TRDN: variants seen among roughly 807,000 people sequenced by gnomAD.
TRDN encodes the protein triadin in skeletal muscle.
In TRDN, 161 loss-of-function variants were observed where a neutral mutation model predicts 149.7. The ratio of observed to expected loss-of-function variants is 1.08; its 90% CI spans 0.95 to 1.23. TRDN has a LOEUF of 1.23. TRDN is among the 50% of genes most tolerant of loss of function. TRDN has a pLI of 0.00. For missense variants in TRDN, 896 were observed against 823.5 expected, an observed-to-expected ratio of 1.09 and a Z score of -1.08; for synonymous variants, 294 against 250.5, an observed-to-expected ratio of 1.17 and a Z score of -1.64.
At chr6:123,636,553 G>T (rs1000772790) in intron 1 of TRDN, among the ~76,000 whole-genome samples, 1 of 151,906 alleles carries the variant, frequency 6.6e-6, no homozygotes, top group Non-Finnish European at 1.5e-5. Flanking sequence ...AAATTTAAGA[G>T]AAATCTCTTT....
intron 10 of TRDN, chr6:123,456,852 G>A: frequency 2.2e-6 from 1 of 456,014 alleles, no homozygotes; most frequent in South Asian, 1.5e-5. Flanking sequence ...ACTCATTCTA[G>A]AGAGGGAAAG....
intron 10 of TRDN, chr6:123,462,431 G>GTGTAGTATTGGCTTTACAGATT (rs1204130172): frequency 5.3e-5 from 8 of 152,242 alleles, no homozygotes; most frequent in African/African-American, 1.7e-4. Context: ...CTTTAAAGAC[G>GTGTAGTATTGGCTTTACAGATT]TGTAGTATTG....
chr6:123,398,308 C>A (rs954304096), intron 12 of TRDN, among the ~76,000 whole-genome samples: 1 of 152,196 alleles, frequency 6.6e-6, no homozygotes, highest in East Asian at 1.9e-4. Flanking sequence ...CCTGGCCGAC[C>A]GTTCTTATTT....
intron 1 of TRDN, 21 bp downstream of exon 1, chr6:123,636,733 A>G: frequency 1.2e-6 from 2 of 1,611,064 alleles, no homozygotes; most frequent in Admixed American, 1.7e-5. Flanking sequence ...ACTTGATACT[A>G]TCGGAAAATG....
rs377492695 is a variant in TRDN, at chr6:123,293,108, AT to A, written c.1511-14027del. On this transcript the variant is annotated intron_variant, in intron 24 of 40. Coordinates refer to ENST00000334268, the MANE Select transcript of TRDN (RefSeq NM_006073.4). ...AGGAAATCATCTTCACAGTTGCTGGATTTTTCATCAACATTCCCAGGCTAGA... is the reference window on the plus strand; with the variant it reads ...AGGAAATCATCTTCACAGTTGCTGGATTTTCATCAACATTCCCAGGCTAGA... 4.6e-4 allele frequency among the ~76,000 whole-genome samples: 70 copies of A among 152,164 alleles called. 1 individual carries two copies. The East Asian group carries it at 0.013, about 27-fold the overall frequency.
intron 10 of TRDN, among the ~76,000 whole-genome samples, chr6:123,446,031 A>G (rs1775321666): frequency 2.7e-5 from 4 of 149,808 alleles, no homozygotes; most frequent in Admixed American, 2.6e-4. Flanking sequence ...TGTGGCACAT[A>G]TACTCCATGG....
At chr6:123,343,937 C>A (rs1780158298) in intron 21 of TRDN, among the ~76,000 whole-genome samples, 1 of 151,856 alleles carries the variant, frequency 6.6e-6, no homozygotes, top group Admixed American at 6.6e-5. Context: ...CAGCATGGAA[C>A]CCTCATTAAT....
chr6:123,566,812 C>G (rs371256388), intron 2 of TRDN, among the ~76,000 whole-genome samples: 1 of 152,074 alleles, frequency 6.6e-6, no homozygotes, highest in Non-Finnish European at 1.5e-5. Context: ...GTTATTGAAG[C>G]CATAATTTAT....
At chr6:123,293,220 C>T (rs550335664) in intron 24 of TRDN, among the ~76,000 whole-genome samples, 1 of 152,262 alleles carries the variant, frequency 6.6e-6, no homozygotes, top group South Asian at 2.1e-4. Context: ...CCAGACCTAA[C>T]TAACCATAGT....
At position 123,548,341 on chromosome 6, in the gene TRDN, AT is replaced by A. The variant is rs576315145; in HGVS notation, c.391+112del. 2.5e-4 allele frequency: 184 copies of A among 737,570 alleles called. 3 individuals are homozygous for A. The East Asian group carries it at 6.0e-3, about 24-fold the overall frequency. The allele number at this position is 737,570 out of a possible 1,614,324, so 45.7% of individuals were successfully genotyped here. A position where few individuals can be genotyped will look rare whatever the true frequency, so the allele number is the denominator to read the frequency against. On this transcript the variant is annotated intron_variant, in intron 3 of 40. Transcript: ENST00000334268. ...GCTTTTAGCAGTCAGAAGTGTATTC[AT>A]TTTGGTTTAGCTTGACCCAAGTGCT...
chr6:123,421,474 A>T (rs983084413), intron 12 of TRDN: 1 of 152,140 alleles, frequency 6.6e-6, no homozygotes, highest in Non-Finnish European at 1.5e-5. Context: ...TAGGAATATC[A>T]GGATCTTTCT....
In TRDN at chr6:123,366,270, A is replaced by G. The variant is rs369007482; in HGVS notation, c.1274-88T>C. On this transcript the variant is annotated intron_variant, in intron 19 of 40. Coordinates refer to ENST00000334268, the MANE Select transcript of TRDN (RefSeq NM_006073.4). Reference sequence around the variant, plus strand: ...TACTATTGAGAATAAAATTAAAGATAAAATGTATGTTGCACATGAGAGCAA... The same window carrying G: ...TACTATTGAGAATAAAATTAAAGATGAAATGTATGTTGCACATGAGAGCAA... 2.3e-6 allele frequency: 3 copies of G among 1,307,844 alleles called. No homozygotes were observed. The East Asian group carries it at 7.3e-5, about 32-fold the overall frequency. The allele number at this position is 1,307,844 out of a possible 1,614,324, so 81.0% of individuals were successfully genotyped here.
intron 12 of TRDN, among the ~76,000 whole-genome samples, chr6:123,429,881 A>G (rs1274602129): frequency 6.6e-6 from 1 of 152,242 alleles, no homozygotes; most frequent in Non-Finnish European, 1.5e-5. Context: ...TGATATATCA[A>G]TGCGTACAGA....
intron 4 of TRDN, among the ~76,000 whole-genome samples, chr6:123,536,236 T>G (rs948739365): frequency 3.9e-5 from 6 of 152,156 alleles, no homozygotes; most frequent in African/African-American, 9.7e-5. Context: ...ATGTCTATTT[T>G]GTTCCACATT....
At chr6:123,627,715 A>C (rs1236737655) in intron 1 of TRDN, among the ~76,000 whole-genome samples, 2 of 152,178 alleles carry the variant, frequency 1.3e-5, no homozygotes, top group African/African-American at 2.4e-5. Context: ...AGGACTGTTT[A>C]GTCTACATTG....
intron 1 of TRDN, among the ~76,000 whole-genome samples, chr6:123,619,833 T>C (rs1025090482): frequency 6.6e-6 from 1 of 151,974 alleles, no homozygotes; most frequent in South Asian, 2.1e-4. Flanking sequence ...AAATGAGGAC[T>C]CCAAAGTTTA....
intron 32 of TRDN, among the ~76,000 whole-genome samples, chr6:123,267,324 A>G (rs1412489296): frequency 1.3e-5 from 2 of 152,042 alleles, no homozygotes; most frequent in Admixed American, 1.3e-4. Context: ...TTAAGAGGAT[A>G]TATCAAGCTG....
At chr6:123,446,579 C>A (rs1196527880) in intron 10 of TRDN, among the ~76,000 whole-genome samples, 17 of 81,662 alleles carry the variant, frequency 2.1e-4, no homozygotes, top group Admixed American at 7.2e-4. Flanking sequence ...AGCCAGATTC[C>A]ATCTCAAAAA....
chr6:123,452,482 T>G (rs1425864616), intron 10 of TRDN, among the ~76,000 whole-genome samples: 4 of 122,228 alleles, frequency 3.3e-5, no homozygotes, highest in African/African-American at 6.4e-5. Flanking sequence ...AATCAAGAGC[T>G]CAATTCCTTT....
Sources: gnomAD v4.1 joint callset for allele counts (sites outside exome capture counted in the v4.1 genomes callset) on GRCh38, gnomAD v4.1.1 for gene constraint, MANE v1.5 for transcripts, NCBI Gene and HGNC (gene_info 2026-07-23, HGNC 2026-07-21) for gene names.